Variants in CNTN3 observed in about 807,000 individuals in gnomAD.
The protein encoded by CNTN3 is contactin 3.
Under a neutral mutation model 119.1 loss-of-function variants are expected in CNTN3, and 60 were observed. The ratio of observed to expected loss-of-function variants is 0.50; its 90% CI spans 0.41 to 0.62. The LOEUF (loss-of-function observed/expected upper bound fraction) is 0.62, where lower values mean the gene tolerates loss of function less well. Ranked by LOEUF, CNTN3 falls within the 20% of genes least tolerant of loss-of-function variation. The pLI is 0.00. For missense variants in CNTN3, 1,101 were observed against 1,242.4 expected (o/e 0.89, Z 1.71); for synonymous variants, 450 against 438.7 (o/e 1.03, Z -0.32).
At chr3:74,412,037 T>A (rs1701446496) in intron 5 of CNTN3, among the ~76,000 whole-genome samples, 1 of 152,166 alleles carries the variant, frequency 6.6e-6, no homozygotes, top group African/African-American at 2.4e-5. Context: ...AACAAGCAAT[T>A]TACTTATAGC....
intron 6 of CNTN3, 51 bp downstream of exon 6, chr3:74,371,145 C>T: frequency 1.5e-6 from 2 of 1,335,360 alleles, no homozygotes; most frequent in Non-Finnish European, 2.1e-6. Flanking sequence ...CTTTTGTTTG[C>T]AGCCTCAGCA....
intron 11 of CNTN3, among the ~76,000 whole-genome samples, chr3:74,359,220 C>T (rs779241789): frequency 1.3e-5 from 2 of 152,042 alleles, no homozygotes; most frequent in Non-Finnish European, 2.9e-5. Context: ...AACCAATGAA[C>T]GGCCAACCAA....
chr3:74,609,180 T>C (rs1002297547), intron 1 of CNTN3, among the ~76,000 whole-genome samples: 1 of 152,134 alleles, frequency 6.6e-6, no homozygotes, highest in Non-Finnish European at 1.5e-5. Context: ...GAGTGTTAAG[T>C]ATCAGGGGAG....
intron 1 of CNTN3, among the ~76,000 whole-genome samples, chr3:74,581,583 G>A (rs1011616489): frequency 7.9e-5 from 12 of 152,048 alleles, no homozygotes; most frequent in East Asian, 3.9e-4. Flanking sequence ...AATTCATTTC[G>A]AACTCCCAAT....
At chr3:74,582,939 T>C (rs900357870) in intron 1 of CNTN3, among the ~76,000 whole-genome samples, 4 of 152,112 alleles carry the variant, frequency 2.6e-5, no homozygotes, top group African/African-American at 9.7e-5. Context: ...TTCGAACCTG[T>C]GGGATTTTAA....
At chr3:74,518,724 A>G (rs1031287688) in intron 2 of CNTN3, among the ~76,000 whole-genome samples, 11 of 151,946 alleles carry the variant, frequency 7.2e-5, no homozygotes, top group Non-Finnish European at 1.0e-4. Context: ...CTTAATCACT[A>G]TTAAGGGAAG....
intron 3 of CNTN3, among the ~76,000 whole-genome samples, chr3:74,498,834 G>A (rs1559633727): frequency 2.6e-5 from 4 of 151,832 alleles, no homozygotes; most frequent in Admixed American, 6.6e-5. Flanking sequence ...GAAAGAGCGT[G>A]TTGTTTTAAA....
chr3:74,524,664 C>T (rs1439517290), intron 1 of CNTN3, among the ~76,000 whole-genome samples: 2 of 151,760 alleles, frequency 1.3e-5, no homozygotes, highest in Non-Finnish European at 2.9e-5. Context: ...GGACACCACT[C>T]CCCCATCAAC....
intron 12 of CNTN3, 122 bp from the exon 13 acceptor site, chr3:74,335,032 A>C: frequency 1.8e-6 from 1 of 542,890 alleles, no homozygotes; most frequent in East Asian, 3.0e-5. Context: ...ATAAATATAC[A>C]TACATCTATA....
chr3:74,528,107 A>G (rs1703645261), intron 1 of CNTN3, among the ~76,000 whole-genome samples: 1 of 151,896 alleles, frequency 6.6e-6, no homozygotes, highest in South Asian at 2.1e-4. Flanking sequence ...CTTTTCCAAG[A>G]CATCTTCCAA....
At chr3:74,398,664 A>G (rs180880498) in intron 5 of CNTN3, among the ~76,000 whole-genome samples, 14 of 152,306 alleles carry the variant, frequency 9.2e-5, no homozygotes, top group Admixed American at 3.9e-4. Flanking sequence ...ATCAACTTTT[A>G]AAATGTGTGT....
chr3:74,384,009 A>G (rs1704685800), intron 5 of CNTN3, among the ~76,000 whole-genome samples: 1 of 152,242 alleles, frequency 6.6e-6, no homozygotes, highest in African/African-American at 2.4e-5. Context: ...CTCATGCCAT[A>G]GTCCTCAATT....
chr3:74,576,675 G>T (rs911700978), intron 1 of CNTN3, among the ~76,000 whole-genome samples: 19 of 151,816 alleles, frequency 1.3e-4, no homozygotes, highest in African/African-American at 4.6e-4. Flanking sequence ...GTATTGTTCA[G>T]ATTGTAATTT....
In CNTN3 at chr3:74,467,064, T is replaced by C. The variant is rs372626549; in HGVS notation, c.358+19392A>G. Among the ~76,000 whole-genome samples, 25 of 152,128 alleles carry C rather than the reference T, an allele frequency of 1.6e-4. 1 individual carries two copies. Among genetic ancestry groups the C allele is most frequent in the African/African-American group, 5.6e-4 (23 of 41,440 alleles). On this transcript the variant is annotated intron_variant, in intron 4 of 22. Coordinates refer to ENST00000263665, the MANE Select transcript of CNTN3 (RefSeq NM_020872.3). ...GGATTTTGAAATTAAAGTTCCGAAG[T>C]ACAATTTATAGCAAATATAATTTTT... is the stretch of plus-strand genomic sequence containing the variant.
At chr3:74,477,159 C>T (rs1200458609) in intron 4 of CNTN3, among the ~76,000 whole-genome samples, 1 of 152,044 alleles carries the variant, frequency 6.6e-6, no homozygotes, top group Non-Finnish European at 1.5e-5. Context: ...TATATTAGCT[C>T]ACTTAATCCA....
intron 20 of CNTN3, 30 bp downstream of exon 20, chr3:74,285,274 GT>G (rs1702088215): frequency 2.6e-6 from 4 of 1,564,710 alleles, no homozygotes; most frequent in Non-Finnish European, 3.5e-6. Context: ...ACTATTTTCC[GT>G]ACCATTCAAA....
intron 4 of CNTN3, among the ~76,000 whole-genome samples, chr3:74,466,676 G>A (rs1030592442): frequency 5.3e-5 from 8 of 152,080 alleles, no homozygotes; most frequent in African/African-American, 1.9e-4. Flanking sequence ...GGAGCTAAAT[G>A]TAGATTTTTA....
At chr3:74,613,718 C>T (rs1313104787) in intron 1 of CNTN3, among the ~76,000 whole-genome samples, 1 of 152,160 alleles carries the variant, frequency 6.6e-6, no homozygotes, top group Non-Finnish European at 1.5e-5. Context: ...GTTGGCACTT[C>T]CTGGTTTTCT....
chr3:74,382,654 G>A (rs1011332378), intron 5 of CNTN3, among the ~76,000 whole-genome samples: 4 of 152,226 alleles, frequency 2.6e-5, no homozygotes, highest in South Asian at 4.1e-4. Flanking sequence ...TTCACTTAGC[G>A]TAATGTCTTC....
Sources: allele counts gnomAD v4.1 joint callset (sites outside exome capture counted in the v4.1 genomes callset), GRCh38; gene constraint gnomAD v4.1.1; transcripts MANE v1.5; gene names NCBI Gene and HGNC (gene_info 2026-07-23, HGNC 2026-07-21).